Variants in PLCL1 observed in about 807,000 individuals in gnomAD.
PLCL1 encodes phospholipase C like 1 (inactive), also known as inactive phospholipase C-like protein 1.
In PLCL1, 41 loss-of-function variants were observed where a neutral mutation model predicts 84.4. That is an observed-to-expected ratio of 0.49 (90% confidence interval 0.38 to 0.63). The LOEUF is 0.63. Among genes scored for constraint, PLCL1 ranks in the 30% least tolerant of loss-of-function variants. PLCL1 has a pLI of 0.00. For synonymous variants in PLCL1, 490 were observed against 488.3 expected (o/e 1.00, Z -0.05); for missense variants, 1,206 against 1,367.8 (o/e 0.88, Z 1.87).
At position 198,084,066 on chromosome 2, in the gene PLCL1, G is replaced by C. The variant is rs368215936; in HGVS notation, c.549G>C (p.Gln183His). ...ETFRNNGLAD[Q>H]ICEDCAFSIL... Reference sequence around the variant, plus strand: ...TTAGAAACAATGGCCTTGCTGACCAGATCTGTGAGGACTGTGCCTTTTCCA... The same window carrying C: ...TTAGAAACAATGGCCTTGCTGACCACATCTGTGAGGACTGTGCCTTTTCCA... Residue 183 changes from glutamine (Q) to histidine (H), a missense_variant, in exon 2 of 6, where the codon CAG becomes CAC. Coordinates refer to ENST00000428675, the MANE Select transcript of PLCL1 (RefSeq NM_006226.4). 1.2e-6 allele frequency: 2 copies of C among 1,614,182 alleles called. No individual in the cohort carries two copies. Among genetic ancestry groups the C allele is most frequent in the Non-Finnish European group, 8.5e-7 (1 of 1,180,000 alleles).
At chr2:198,031,600 C>G (rs184192133) in intron 1 of PLCL1, among the ~76,000 whole-genome samples, 22 of 150,286 alleles carry the variant, frequency 1.5e-4, no homozygotes, top group Admixed American at 6.0e-4. Context: ...AAGCAATTCT[C>G]TCATCTTAGC....
intron 5 of PLCL1, among the ~76,000 whole-genome samples, chr2:198,106,770 C>T (rs1475004353): frequency 1.3e-5 from 2 of 151,894 alleles, no homozygotes; most frequent in Admixed American, 1.3e-4. Context: ...CCCCTTTCTT[C>T]CTTGCCACAA....
intron 1 of PLCL1, among the ~76,000 whole-genome samples, chr2:198,029,998 C>A (rs1054361626): frequency 2.0e-5 from 3 of 151,950 alleles, no homozygotes; most frequent in African/African-American, 7.3e-5. Flanking sequence ...CAGTGCCAGG[C>A]CTTTCTTTCT....
intron 1 of PLCL1, among the ~76,000 whole-genome samples, chr2:197,923,886 G>A (rs1326595409): frequency 6.6e-6 from 1 of 151,340 alleles, no homozygotes; most frequent in African/African-American, 2.4e-5. Flanking sequence ...CTGAGTGAAC[G>A]AGACTCCGTC....
At chr2:197,955,995 G>A (rs574408352) in intron 1 of PLCL1, among the ~76,000 whole-genome samples, 10 of 151,300 alleles carry the variant, frequency 6.6e-5, no homozygotes, top group East Asian at 3.9e-4. Context: ...GACAGGCCCC[G>A]GTGTGTGATG....
intron 1 of PLCL1, among the ~76,000 whole-genome samples, chr2:198,069,597 T>C (rs561354578): frequency 4.6e-5 from 7 of 152,204 alleles, no homozygotes; most frequent in Non-Finnish European, 8.8e-5. Context: ...TTCTTATTAC[T>C]TATAATTATA....
chr2:198,042,207 C>A, intron 1 of PLCL1, among the ~76,000 whole-genome samples: 1 of 152,174 alleles, frequency 6.6e-6, no homozygotes, highest in East Asian at 1.9e-4. Flanking sequence ...ATACAGCAAC[C>A]TTGCTGTTAT....
intron 1 of PLCL1, among the ~76,000 whole-genome samples, chr2:198,058,655 CTCTA>C (rs1215142785): frequency 6.6e-6 from 1 of 151,646 alleles, no homozygotes; most frequent in Non-Finnish European, 1.5e-5. Flanking sequence ...AAGCAAGTTG[CTCTA>C]TCTACCTGTA....
intron 5 of PLCL1, among the ~76,000 whole-genome samples, chr2:198,124,977 A>G (rs933148331): frequency 2.6e-5 from 4 of 152,152 alleles, no homozygotes; most frequent in Non-Finnish European, 5.9e-5. Flanking sequence ...GGCATTCGTC[A>G]CATTTCAAGT....
chr2:197,956,062 C>G (rs1351871460), intron 1 of PLCL1, among the ~76,000 whole-genome samples: 2 of 151,850 alleles, frequency 1.3e-5, no homozygotes, highest in Non-Finnish European at 2.9e-5. Flanking sequence ...TGAATGAGAA[C>G]ATGTGGTGTT....
chr2:197,859,569 T>C (rs1687391496), intron 1 of PLCL1, among the ~76,000 whole-genome samples: 1 of 152,156 alleles, frequency 6.6e-6, no homozygotes, highest in African/African-American at 2.4e-5. Flanking sequence ...GGACCACACA[T>C]ACAACAATGC....
intron 3 of PLCL1, among the ~76,000 whole-genome samples, chr2:198,098,507 A>C (rs1048688597): frequency 6.6e-6 from 1 of 152,206 alleles, no homozygotes; most frequent in Non-Finnish European, 1.5e-5. Context: ...CCTAGATTCT[A>C]GTCTAAATTG....
At chr2:198,011,258 C>A (rs1690862222) in intron 1 of PLCL1, among the ~76,000 whole-genome samples, 1 of 151,856 alleles carries the variant, frequency 6.6e-6, no homozygotes, top group African/African-American at 2.4e-5. Flanking sequence ...CTGCTATGCA[C>A]TTCCCTTTTA....
At chr2:197,841,330 C>T (rs1358240596) in intron 1 of PLCL1, among the ~76,000 whole-genome samples, 2 of 152,126 alleles carry the variant, frequency 1.3e-5, no homozygotes, top group Non-Finnish European at 2.9e-5. Flanking sequence ...TAGCACCATA[C>T]AGAGTAGTGG....
At chr2:198,026,906 C>A (rs1163045613) in intron 1 of PLCL1, among the ~76,000 whole-genome samples, 1 of 152,084 alleles carries the variant, frequency 6.6e-6, no homozygotes, top group Admixed American at 6.6e-5. Context: ...AACTCTTGCA[C>A]ACTGCTGGTG....
intron 1 of PLCL1, among the ~76,000 whole-genome samples, chr2:197,949,175 A>G (rs759460839): frequency 6.6e-6 from 1 of 152,170 alleles, no homozygotes; most frequent in Non-Finnish European, 1.5e-5. Flanking sequence ...ACATCTGTCT[A>G]TGAGTGCCTT....
chr2:197,994,617 T>C (rs1690419862), intron 1 of PLCL1, among the ~76,000 whole-genome samples: 1 of 152,192 alleles, frequency 6.6e-6, no homozygotes. Flanking sequence ...TAGCTTTAAG[T>C]AGCTAAAACC....
chr2:197,872,807 A>G (rs1221105934), intron 1 of PLCL1, among the ~76,000 whole-genome samples: 2 of 152,176 alleles, frequency 1.3e-5, no homozygotes, highest in East Asian at 1.9e-4. Context: ...GATTTCTTAT[A>G]CTAGGAAAGA....
chr2:197,972,944 T>A (rs1310852138), intron 1 of PLCL1, among the ~76,000 whole-genome samples: 1 of 152,176 alleles, frequency 6.6e-6, no homozygotes, highest in East Asian at 1.9e-4. Flanking sequence ...TAGTGATTGA[T>A]AAACAGGAAG....
Sources: gnomAD v4.1 joint callset for allele counts (sites outside exome capture counted in the v4.1 genomes callset) on GRCh38, gnomAD v4.1.1 for gene constraint, MANE v1.5 for transcripts, NCBI Gene and HGNC (gene_info 2026-07-23, HGNC 2026-07-21) for gene names.